Variants in LSS observed in about 807,000 individuals in gnomAD.
LSS encodes 2,3-epoxysqualene-lanosterol cyclase.
A neutral mutation model predicts 110.3 loss-of-function variants in LSS; 90 were observed. That is an observed-to-expected ratio of 0.82 (90% CI 0.69 to 0.97). The LOEUF is 0.97. Among genes scored for constraint, LSS ranks in the 50% least tolerant of loss-of-function variants. The pLI is 0.00. For missense variants in LSS, 927 were observed against 990.0 expected (o/e 0.94, Z 0.85); for synonymous variants, 433 against 400.0 (o/e 1.08, Z -0.98).
At position 46,189,746 on chromosome 21, in the gene LSS, G is replaced by A. The variant is rs1209739097; in HGVS notation, c.*1358C>T. 4 of 457,282 alleles carry A rather than the reference G, an allele frequency of 8.7e-6. No individual in the cohort carries two copies. Among genetic ancestry groups the A allele is most frequent in the Non-Finnish European group, 1.8e-5 (4 of 226,920 alleles). The allele number at this position is 457,282 out of a possible 1,614,324, so 28.3% of individuals were successfully genotyped here. On this transcript the variant is annotated 3_prime_UTR_variant, in exon 22 of 22. Coordinates refer to ENST00000397728, the MANE Select transcript of LSS (RefSeq NM_002340.6). ...CTGCTACCTGCCCAGAAGGCGGCAG[G>A]GAGGGGAAGAGCAGATAAGGAGGTA...
At chr21:46,192,680 C>A (rs767664509) in intron 20 of LSS, 2 of 451,202 alleles carry the variant, frequency 4.4e-6, no homozygotes, top group South Asian at 3.1e-5. Context: ...TGTGCATAGA[C>A]CTGTGTGTGC....
At position 46,216,390 on chromosome 21, in the gene LSS, T is replaced by C. The variant is rs1569032222; in HGVS notation, c.782A>G (p.Gln261Arg). 1 of 1,613,738 alleles carries C rather than the reference T, an allele frequency of 6.2e-7. No homozygotes were observed. The highest frequency in any genetic ancestry group is 2.2e-5 in the East Asian group (1 of 44,880). Reference sequence around the variant, plus strand: ...CTTTGTTCCCTGATGAGGTCCTACCTGGCGGAGGCTCTGGACCAGCGGGTC... The same window carrying C: ...CTTTGTTCCCTGATGAGGTCCTACCCGGCGGAGGCTCTGGACCAGCGGGTC... ...AEDPLVQSLR[Q>R]ELYVEDFASI... The change falls in exon 7 of 22, where the codon CAG becomes CGG. Residue 261 changes from glutamine (Q) to arginine (R), a missense_variant and splice_region_variant. Coordinates refer to ENST00000397728, the MANE Select transcript of LSS (RefSeq NM_002340.6). This position sits in a 1 kb window ranked among gnomAD's most constrained non-coding sequence, Gnocchi z 4.2.
chr21:46,194,393 C>T, intron 20 of LSS, 98 bp downstream of exon 20: 1 of 1,436,412 alleles, frequency 7.0e-7, no homozygotes, highest in South Asian at 1.2e-5. Flanking sequence ...CAGGCCTCCC[C>T]TCCTCTCTAC....
intron 17 of LSS, among the ~76,000 whole-genome samples, chr21:46,204,615 C>T (rs1360626486): frequency 2.7e-5 from 4 of 149,454 alleles, no homozygotes; most frequent in Non-Finnish European, 4.5e-5. Context: ...AGAGCTAGAA[C>T]CCATCTCAAA....
intron 13 of LSS, among the ~76,000 whole-genome samples, chr21:46,208,648 A>G (rs920793717): frequency 2.6e-5 from 4 of 152,146 alleles, no homozygotes; most frequent in South Asian, 2.1e-4. Flanking sequence ...GGCGCCCCCA[A>G]TGCCTCCTGA....
chr21:46,226,080 G>A (rs1022385455), intron 3 of LSS, among the ~76,000 whole-genome samples: 2 of 151,126 alleles, frequency 1.3e-5, no homozygotes, highest in African/African-American at 2.4e-5. Context: ...AGGCTGCAAC[G>A]AGCCAAAATT....
Position 46,191,047 on chromosome 21 carries a change from C to T in LSS, c.*57G>A. 2 of 1,605,778 alleles carry T rather than the reference C, an allele frequency of 1.2e-6. No individual in the cohort carries two copies. Among genetic ancestry groups the T allele is most frequent in the Non-Finnish European group, 1.7e-6 (2 of 1,174,874 alleles). On this transcript the variant is annotated 3_prime_UTR_variant, in exon 22 of 22. Coordinates refer to ENST00000397728, the MANE Select transcript of LSS (RefSeq NM_002340.6). ...TTATGGGAGGGCTCCCCAACCCGGC[C>T]AGGACCCCTTGGCCTCACTGGAACG...
chr21:46,197,107 T>C (rs996921997), intron 17 of LSS, among the ~76,000 whole-genome samples: 3 of 152,250 alleles, frequency 2.0e-5, no homozygotes, highest in Non-Finnish European at 2.9e-5. Context: ...GTAATCAATG[T>C]GTGTTGTTCT....
intron 6 of LSS, among the ~76,000 whole-genome samples, chr21:46,218,727 C>CT (rs550015362): frequency 0.072 from 9,834 of 137,040 alleles, 553 homozygotes; most frequent in African/African-American, 0.14. Flanking sequence ...AAACACTGAT[C>CT]TTTTTTTTTT....
Position 46,228,187 on chromosome 21 carries a change from C to G in LSS, c.180+247G>C, listed in dbSNP as rs552383071. ...AAGTTACAACTATCTTTGCAACTCT[C>G]CTATAAGTCAAAAATTATCTCAAAA... On this transcript the variant is annotated intron_variant, in intron 2 of 21. Transcript: ENST00000397728. 5.9e-5 allele frequency among the ~76,000 whole-genome samples: 9 copies of G among 152,360 alleles called. No individual in the cohort carries two copies. The South Asian group carries it at 1.9e-3, about 32-fold the overall frequency.
chr21:46,193,980 G>C (rs2079870423), intron 20 of LSS, among the ~76,000 whole-genome samples: 1 of 152,156 alleles, frequency 6.6e-6, no homozygotes, highest in Non-Finnish European at 1.5e-5. Flanking sequence ...GCGTACGTGT[G>C]TGCATAGGCC....
Position 46,205,835 on chromosome 21 carries a change from C to A in LSS, c.1670+1G>T, listed in dbSNP as rs964417999. 1 of 1,598,620 alleles carries A rather than the reference C, an allele frequency of 6.3e-7. No individual in the cohort carries two copies. The highest frequency in any genetic ancestry group is 8.5e-7 in the Non-Finnish European group (1 of 1,172,454). On this transcript the variant is annotated splice_donor_variant, in intron 17 of 21. Coordinates refer to ENST00000397728, the MANE Select transcript of LSS (RefSeq NM_002340.6). LOFTEE classifies it high-confidence loss of function. ...CACTGAATGGCTGAGACCCTCCTTA[C>A]CGGATCTCCGCTGCCCTGTGCTCCG...
chr21:46,194,450 T>C, intron 20 of LSS, 41 bp downstream of exon 20: 1 of 1,608,236 alleles, frequency 6.2e-7, no homozygotes, highest in Non-Finnish European at 8.5e-7. Flanking sequence ...GTCCCTCCTC[T>C]ACCCAAACCC....
At chr21:46,212,453 G>C (rs778521774) in intron 11 of LSS, among the ~76,000 whole-genome samples, 1 of 152,236 alleles carries the variant, frequency 6.6e-6, no homozygotes, top group Non-Finnish European at 1.5e-5. Context: ...AGCCCAGTCG[G>C]ACAGGACTGC....
Position 46,228,478 on chromosome 21 carries a change from G to A in LSS, c.136C>T (p.Arg46Cys), listed in dbSNP as rs888329184. The stretch of plus-strand genomic sequence containing the variant: ...TAGGCTTCCAGGCCGGTCTGCTCGC[G>A]GCCGGCGCGCTCGTCCTGCAGGTAG... Reference protein sequence around the residue: ...WTYLQDERAGREQTGLEAYAL... With the variant: ...WTYLQDERAGCEQTGLEAYAL... Residue 46 changes from arginine to cysteine, a missense_variant, in exon 2 of 22, where the codon CGC becomes TGC. Physicochemically the swap from Arg to Cys is radical, Grantham distance 180. Transcript: ENST00000397728. 8 of 1,603,458 alleles carry A rather than the reference G, an allele frequency of 5.0e-6. No homozygotes were observed. The Admixed American group carries it at 1.2e-4, about 23-fold the overall frequency.
chr21:46,222,327 C>G, intron 4 of LSS: 1 of 530,530 alleles, frequency 1.9e-6, no homozygotes, highest in South Asian at 2.3e-5. Flanking sequence ...CCACCTGCTG[C>G]CAGCCCAGAG....
chr21:46,200,105 A>C (rs1398427917), intron 17 of LSS, among the ~76,000 whole-genome samples: 1 of 152,130 alleles, frequency 6.6e-6, no homozygotes, highest in Non-Finnish European at 1.5e-5. Context: ...GATAAAGTAC[A>C]TAAATTTTTT....
chr21:46,213,085 A>T (rs1221126366), intron 10 of LSS, 33 bp from the exon 11 acceptor site: 1 of 1,611,004 alleles, frequency 6.2e-7, no homozygotes, highest in African/African-American at 1.3e-5. Context: ...GTCAGGTGCA[A>T]GGAGAAAGCT....
At position 46,228,516 on chromosome 21, in the gene LSS, C is replaced by T. The variant is rs2080386449; in HGVS notation, c.98G>A (p.Arg33Gln). ...GRWRLNCERGRQTWTYLQDER... is the reference protein window; with the variant it reads ...GRWRLNCERGQQTWTYLQDER... ...GTCCTGCAGGTAGGTCCACGTCTGCCGGCCCCTCTCGCAGTTGAGTCGCCA... is the reference window on the plus strand; with the variant it reads ...GTCCTGCAGGTAGGTCCACGTCTGCTGGCCCCTCTCGCAGTTGAGTCGCCA... The change falls in exon 2 of 22, where the codon CGG (arginine) becomes CAG (glutamine). Residue 33 changes from arginine to glutamine, a missense_variant. By Grantham distance (43) the Arg-to-Gln change is conservative. Coordinates refer to ENST00000397728, the MANE Select transcript of LSS (RefSeq NM_002340.6). 3 of 1,601,240 alleles carry T rather than the reference C, an allele frequency of 1.9e-6. No homozygotes were observed. The highest frequency in any genetic ancestry group is 2.5e-6 in the Non-Finnish European group (3 of 1,179,178).
Sources: allele counts gnomAD v4.1 joint callset (sites outside exome capture counted in the v4.1 genomes callset), GRCh38; gene constraint gnomAD v4.1.1; non-coding constraint Gnocchi (gnomAD v3.1); transcripts MANE v1.5; gene names NCBI Gene and HGNC (gene_info 2026-07-23, HGNC 2026-07-21).